The following CNTNAP2 variants were observed in gnomAD, a reference collection of about 807,000 sequenced individuals.
CNTNAP2 encodes contactin-associated protein-like 2.
Under a neutral mutation model 155.2 loss-of-function variants are expected in CNTNAP2, and 98 were observed. The ratio of observed to expected loss-of-function variants is 0.63; its 90% confidence interval spans 0.54 to 0.75. The LOEUF is 0.75. Ranked by LOEUF, CNTNAP2 falls within the 30% of genes least tolerant of loss-of-function variation. The probability of loss-of-function intolerance (pLI) is 0.00; values close to 1 mark genes in which losing one functional copy is unlikely to be tolerated. For missense variants in CNTNAP2, 1,727 were observed against 1,688.1 expected, an observed-to-expected ratio of 1.02 and a Z score of -0.40; for synonymous variants, 651 against 631.2, an observed-to-expected ratio of 1.03 and a Z score of -0.47.
At chr7:146,582,445 A>G (rs1279275859) in intron 1 of CNTNAP2, among the ~76,000 whole-genome samples, 1 of 152,106 alleles carries the variant, frequency 6.6e-6, no homozygotes, top group Admixed American at 6.6e-5. Context: ...CTATCATCCT[A>G]GAGAATGCTA....
intron 3 of CNTNAP2, among the ~76,000 whole-genome samples, chr7:146,986,182 G>T (rs1052345724): frequency 2.6e-5 from 4 of 152,032 alleles, no homozygotes; most frequent in South Asian, 4.1e-4. Flanking sequence ...AGTCCCTAAA[G>T]TCCGTTGTGT....
chr7:148,103,251 A>T (rs1804141777), intron 15 of CNTNAP2, among the ~76,000 whole-genome samples: 1 of 150,802 alleles, frequency 6.6e-6, no homozygotes, highest in Non-Finnish European at 1.5e-5. Context: ...TTAGGAATAC[A>T]GTGGAGGCAG....
At chr7:147,835,820 A>G (rs1467703404) in intron 13 of CNTNAP2, among the ~76,000 whole-genome samples, 1 of 152,164 alleles carries the variant, frequency 6.6e-6, no homozygotes, top group Non-Finnish European at 1.5e-5. Flanking sequence ...ACACACAGAG[A>G]AGCAACTCAT....
chr7:147,874,008 A>G (rs755743483), intron 13 of CNTNAP2, among the ~76,000 whole-genome samples: 8 of 152,182 alleles, frequency 5.3e-5, no homozygotes, highest in Admixed American at 4.6e-4. Context: ...CCAGGTCACA[A>G]TGATGCCAAA....
At chr7:148,274,588 C>G (rs1036157155) in intron 21 of CNTNAP2, among the ~76,000 whole-genome samples, 5 of 152,152 alleles carry the variant, frequency 3.3e-5, no homozygotes, top group African/African-American at 9.7e-5. Context: ...GCACCTCCCC[C>G]CAACACTCTT....
At chr7:147,357,458 C>G (rs1039293860) in intron 9 of CNTNAP2, among the ~76,000 whole-genome samples, 4 of 152,062 alleles carry the variant, frequency 2.6e-5, no homozygotes, top group African/African-American at 9.7e-5. Flanking sequence ...TGCCAGTGAT[C>G]TAAGGTGATG....
At chr7:146,593,351 G>A (rs1223231739) in intron 1 of CNTNAP2, among the ~76,000 whole-genome samples, 2 of 151,976 alleles carry the variant, frequency 1.3e-5, no homozygotes, top group Non-Finnish European at 2.9e-5. Flanking sequence ...AGCCCTTCAT[G>A]TTCCTGGAGC....
chr7:146,764,553 T>C (rs1251271751), intron 1 of CNTNAP2, among the ~76,000 whole-genome samples: 1 of 151,812 alleles, frequency 6.6e-6, no homozygotes, highest in Non-Finnish European at 1.5e-5. Context: ...CTCACAAATC[T>C]ATTTCATTTC....
intron 10 of CNTNAP2, among the ~76,000 whole-genome samples, chr7:147,474,194 G>C (rs1322804008): frequency 6.6e-6 from 1 of 151,014 alleles, no homozygotes; most frequent in African/African-American, 2.4e-5. Flanking sequence ...AGGGCTGGCA[G>C]CTATAGAGCT....
chr7:147,935,620 A>C (rs1425235473), intron 14 of CNTNAP2, among the ~76,000 whole-genome samples: 1 of 152,204 alleles, frequency 6.6e-6, no homozygotes, highest in Non-Finnish European at 1.5e-5. Context: ...GTTATAGATT[A>C]AATTATGTTC....
chr7:147,196,612 A>G (rs1032454194), intron 8 of CNTNAP2, among the ~76,000 whole-genome samples: 12 of 152,174 alleles, frequency 7.9e-5, no homozygotes, highest in African/African-American at 2.9e-4. Flanking sequence ...CTGCCTGAAC[A>G]CAAAGGAATA....
chr7:147,220,152 C>T (rs1444520574), intron 8 of CNTNAP2, among the ~76,000 whole-genome samples: 1 of 152,008 alleles, frequency 6.6e-6, no homozygotes, highest in Non-Finnish European at 1.5e-5. Context: ...AAGTTTTCAA[C>T]ACATACTTTT....
At chr7:146,526,836 C>T (rs529321209) in intron 1 of CNTNAP2, among the ~76,000 whole-genome samples, 1 of 152,276 alleles carries the variant, frequency 6.6e-6, no homozygotes, top group South Asian at 2.1e-4. Flanking sequence ...AGACTCATTA[C>T]ATATATACAC....
intron 18 of CNTNAP2, among the ~76,000 whole-genome samples, chr7:148,213,169 C>T (rs79220339): frequency 0.034 from 5,212 of 152,206 alleles, 290 homozygotes; most frequent in African/African-American, 0.12. Flanking sequence ...CACCCTTGTG[C>T]GCATAAGTAT....
intron 1 of CNTNAP2, among the ~76,000 whole-genome samples, chr7:146,400,088 G>C (rs1795692165): frequency 6.6e-6 from 1 of 152,000 alleles, no homozygotes; most frequent in African/African-American, 2.4e-5. Flanking sequence ...GCTAGGTATG[G>C]TTCCTGAGGC....
intron 13 of CNTNAP2, among the ~76,000 whole-genome samples, chr7:147,772,501 A>C (rs1218241455): frequency 1.5e-5 from 2 of 136,206 alleles, no homozygotes; most frequent in African/African-American, 2.7e-5. Context: ...CAAAAAAAAA[A>C]CCACAAAAGA....
chr7:146,193,619 C>G (rs1394597260), intron 1 of CNTNAP2, among the ~76,000 whole-genome samples: 3 of 152,214 alleles, frequency 2.0e-5, no homozygotes, highest in Non-Finnish European at 4.4e-5. Context: ...TCCACAAAAC[C>G]ATTTTTACTT....
chr7:146,678,277 C>A (rs1402939648), intron 1 of CNTNAP2, among the ~76,000 whole-genome samples: 2 of 151,852 alleles, frequency 1.3e-5, no homozygotes, highest in Admixed American at 6.6e-5. Flanking sequence ...CCACGTTGGC[C>A]GGGCTGGTTT....
intron 3 of CNTNAP2, among the ~76,000 whole-genome samples, chr7:146,937,474 C>G (rs1362753454): frequency 1.1e-4 from 16 of 152,060 alleles, no homozygotes; most frequent in Admixed American, 1.0e-3. Flanking sequence ...AGAGTTAACT[C>G]CAGGATTTCT....
Sources: gnomAD v4.1 joint callset for allele counts (sites outside exome capture counted in the v4.1 genomes callset) on GRCh38, gnomAD v4.1.1 for gene constraint, MANE v1.5 for transcripts, NCBI Gene and HGNC (gene_info 2026-07-23, HGNC 2026-07-21) for gene names.